Variants in MARCHF1 observed in about 807,000 individuals in gnomAD.
MARCHF1 encodes the protein membrane associated ring-CH-type finger 1.
MARCHF1 carries 40 observed loss-of-function variants against 54.2 expected under a neutral mutation model. That is an observed-to-expected ratio of 0.74 (90% CI 0.57 to 0.96). MARCHF1 has a LOEUF of 0.96. Ranked by LOEUF, MARCHF1 falls within the 40% of genes least tolerant of loss-of-function variation. MARCHF1 has a pLI of 0.00. For missense variants in MARCHF1, 586 were observed against 656.5 expected (o/e 0.89, Z 1.17); for synonymous variants, 236 against 236.3 (o/e 1.00, Z 0.01).
intron 4 of MARCHF1, among the ~76,000 whole-genome samples, chr4:163,777,140 C>T (rs1182281443): frequency 6.6e-6 from 1 of 152,116 alleles, no homozygotes; most frequent in Non-Finnish European, 1.5e-5. Context: ...AAGCGTTGGT[C>T]AATGAATCAT....
chr4:163,989,333 G>A (rs1752930295), intron 2 of MARCHF1, among the ~76,000 whole-genome samples: 1 of 152,030 alleles, frequency 6.6e-6, no homozygotes. Flanking sequence ...GAGACCTGGA[G>A]CAATTGCAGA....
intron 5 of MARCHF1, among the ~76,000 whole-genome samples, chr4:163,674,122 GC>G (rs1379571708): frequency 6.6e-6 from 1 of 151,990 alleles, no homozygotes; most frequent in Non-Finnish European, 1.5e-5. Flanking sequence ...TTCCCTTTCA[GC>G]ATCAAAATAA....
chr4:163,800,861 C>T (rs185078171), intron 4 of MARCHF1, among the ~76,000 whole-genome samples: 16 of 152,138 alleles, frequency 1.1e-4, no homozygotes, highest in African/African-American at 3.6e-4. Flanking sequence ...ATGTTGTCAG[C>T]GTCTCTAAAC....
intron 1 of MARCHF1, among the ~76,000 whole-genome samples, chr4:164,263,130 G>A (rs1733513002): frequency 6.6e-6 from 1 of 150,600 alleles, no homozygotes; most frequent in South Asian, 2.1e-4. Flanking sequence ...GTACATGTGT[G>A]TACGCGTGCG....
chr4:164,372,662 G>A (rs866249433), intron 1 of MARCHF1, among the ~76,000 whole-genome samples: 1 of 151,988 alleles, frequency 6.6e-6, no homozygotes, highest in Non-Finnish European at 1.5e-5. Flanking sequence ...CCTCAGATAT[G>A]AGATTGAATG....
At position 163,528,768 on chromosome 4, in the gene MARCHF1, G is replaced by A. The variant is rs773805475; in HGVS notation, c.1618C>T (p.Pro540Ser). Residue 540 changes from proline (P) to serine (S), a missense_variant, in exon 10 of 10, where the codon CCT (proline) becomes TCT (serine). Physicochemically the swap from Pro to Ser is moderately conservative, Grantham distance 74. This residue lies in a region of MARCHF1 where 106 missense variants were observed against 93.8 expected (regional missense o/e 1.13). Coordinates refer to ENST00000514618, the MANE Select transcript of MARCHF1 (RefSeq NM_001394959.1). ...NSLPSAEGGPPEVVSV is the reference protein window; with the variant it reads ...NSLPSAEGGPSEVVSV ...TTCCATCAGACTGATACAACTTCAG[G>A]GGGGCCACCCTCTGCAGATGGCAGT... The A allele has an allele frequency of 5.6e-6, 9 of 1,611,540 alleles. No homozygotes were observed. The highest frequency in any genetic ancestry group is 1.3e-5 in the African/African-American group (1 of 74,922).
At position 163,673,239 on chromosome 4, in the gene MARCHF1, T is replaced by C. The variant is rs541835699; in HGVS notation, c.162+27574A>G. 4.6e-5 allele frequency among the ~76,000 whole-genome samples: 7 copies of C among 152,350 alleles called. No homozygotes were observed. In the East Asian group the frequency reaches 9.7e-4, roughly 21 times the overall value. ...GAGTTACTGATTAAATAACTGCCCATTGATTTTTACTCAATATTAGCCTGT... is the reference window on the plus strand; with the variant it reads ...GAGTTACTGATTAAATAACTGCCCACTGATTTTTACTCAATATTAGCCTGT... On this transcript the variant is annotated intron_variant, in intron 5 of 9. Coordinates refer to ENST00000514618, the MANE Select transcript of MARCHF1 (RefSeq NM_001394959.1).
intron 5 of MARCHF1, among the ~76,000 whole-genome samples, chr4:163,634,437 G>T (rs914964312): frequency 3.5e-5 from 5 of 143,956 alleles, no homozygotes; most frequent in African/African-American, 1.3e-4. Context: ...AAAAGGCAGG[G>T]GTTGCAATCC....
At chr4:163,979,019 C>CTT (rs60452636) in intron 3 of MARCHF1, among the ~76,000 whole-genome samples, 7,574 of 128,884 alleles carry the variant, frequency 0.059, 583 homozygotes, top group East Asian at 0.29. Flanking sequence ...CCCTTTAATT[C>CTT]TTTTTTTTTT....
At chr4:164,383,528 C>G (rs1212207567) in intron 1 of MARCHF1, 1 of 152,334 alleles carries the variant, frequency 6.6e-6, no homozygotes, top group Admixed American at 6.5e-5. Flanking sequence ...AAACAGCGCG[C>G]CGCGCACTGG....
intron 4 of MARCHF1, among the ~76,000 whole-genome samples, chr4:163,753,903 C>T (rs1363772560): frequency 6.6e-6 from 1 of 152,090 alleles, no homozygotes; most frequent in African/African-American, 2.4e-5. Flanking sequence ...GAAGAGCAGA[C>T]ATCACTTAGG....
At chr4:163,895,265 T>C (rs149631347) in intron 3 of MARCHF1, among the ~76,000 whole-genome samples, 6 of 152,298 alleles carry the variant, frequency 3.9e-5, no homozygotes, top group African/African-American at 9.6e-5. Context: ...ATTAGGACAA[T>C]AGTTACTTGG....
chr4:164,252,482 C>T (rs1310995001), intron 1 of MARCHF1, among the ~76,000 whole-genome samples: 1 of 152,122 alleles, frequency 6.6e-6, no homozygotes, highest in East Asian at 1.9e-4. Flanking sequence ...TTTCTAAAGG[C>T]TCCTCCCTCC....
chr4:163,889,260 C>T (rs6846231), intron 3 of MARCHF1, among the ~76,000 whole-genome samples: 11,421 of 152,144 alleles, frequency 0.075, 539 homozygotes, highest in Non-Finnish European at 0.11. Flanking sequence ...CCATTTAATC[C>T]ATTAACAATC....
chr4:164,015,685 C>G (rs1054557938), intron 2 of MARCHF1, among the ~76,000 whole-genome samples: 6 of 151,668 alleles, frequency 4.0e-5, no homozygotes, highest in African/African-American at 1.5e-4. Context: ...AGAAGACACA[C>G]AAATGGCCAA....
At chr4:164,117,329 C>T (rs998039110) in intron 1 of MARCHF1, among the ~76,000 whole-genome samples, 16 of 151,674 alleles carry the variant, frequency 1.1e-4, no homozygotes, top group African/African-American at 3.4e-4. Context: ...TTTGTAATAA[C>T]AAAAGATAAC....
chr4:164,073,750 G>T (rs1579511815), intron 2 of MARCHF1, among the ~76,000 whole-genome samples: 2 of 152,140 alleles, frequency 1.3e-5, no homozygotes, highest in East Asian at 1.9e-4. Context: ...TTGATAAACG[G>T]TAATATGATG....
chr4:164,204,990 T>G (rs891981027), intron 1 of MARCHF1, among the ~76,000 whole-genome samples: 4 of 152,218 alleles, frequency 2.6e-5, no homozygotes, highest in African/African-American at 9.6e-5. Flanking sequence ...CAATTATTTT[T>G]AAACTAAAAT....
intron 2 of MARCHF1, among the ~76,000 whole-genome samples, chr4:164,066,962 C>A (rs1005074285): frequency 2.6e-5 from 4 of 151,926 alleles, no homozygotes; most frequent in Admixed American, 6.6e-5. Flanking sequence ...GTACAATAAA[C>A]CCCCATGATA....
Sources: gnomAD v4.1 joint callset for allele counts (sites outside exome capture counted in the v4.1 genomes callset) on GRCh38, gnomAD v4.1.1 for gene constraint, gnomAD v4.1.1 regional missense constraint, MANE v1.5 for transcripts, NCBI Gene and HGNC (gene_info 2026-07-23, HGNC 2026-07-21) for gene names.